The following TMEM68 variants were observed in gnomAD, a reference collection of about 807,000 sequenced individuals.
TMEM68 encodes transmembrane protein 68.
A neutral mutation model predicts 36.9 loss-of-function variants in TMEM68; 25 were observed. The observed-to-expected ratio is 0.68, with a 90% confidence interval of 0.49 to 0.95. The LOEUF is 0.95. Ranked by LOEUF, TMEM68 falls within the 40% of genes least tolerant of loss-of-function variation. The pLI, the probability that TMEM68 is intolerant of heterozygous loss-of-function variation, is 0.00. For missense variants in TMEM68, 333 were observed against 392.0 expected, an observed-to-expected ratio of 0.85 and a Z score of 1.27; for synonymous variants, 131 against 124.4, an observed-to-expected ratio of 1.05 and a Z score of -0.35.
intron 3 of TMEM68, 52 bp from the exon 4 acceptor site, chr8:55,756,463 A>T: frequency 6.8e-7 from 1 of 1,480,878 alleles, no homozygotes; most frequent in Non-Finnish European, 9.0e-7. Flanking sequence ...TAATTCGTTT[A>T]CAGTAAAGGA....
chr8:55,751,707 AAAGT>A (rs1427881666), intron 4 of TMEM68, among the ~76,000 whole-genome samples: 1 of 152,248 alleles, frequency 6.6e-6, no homozygotes. Flanking sequence ...AGATTTTAAT[AAAGT>A]GAGAGTGCTT....
intron 5 of TMEM68, among the ~76,000 whole-genome samples, chr8:55,749,563 G>A (rs1177227369): frequency 6.6e-6 from 1 of 152,162 alleles, no homozygotes; most frequent in Non-Finnish European, 1.5e-5. Context: ...AATGTAGTCA[G>A]GAATGGCAAC....
Position 55,743,604 on chromosome 8 carries a change from A to C in TMEM68, c.765T>G (p.Leu255=). 1 of 1,535,138 alleles carries C rather than the reference A, an allele frequency of 6.5e-7. No homozygotes were observed. Among genetic ancestry groups the C allele is most frequent in the East Asian group, 2.4e-5 (1 of 40,892 alleles). ...CAAATGGATAGCGGAATTTTTCATA[A>C]AGCCACCTAAATAACCCTGTTTTAG... is the stretch of plus-strand genomic sequence containing the variant. ...SLGGTRLFRW[L]YEKFRYPFAP... The change falls in exon 7 of 8, where the codon CTT becomes CTG. Residue 255 remains leucine (L), a synonymous_variant. Coordinates refer to ENST00000434581, the MANE Select transcript of TMEM68 (RefSeq NM_001286657.2).
intron 1 of TMEM68, among the ~76,000 whole-genome samples, chr8:55,769,830 G>A (rs1811097022): frequency 1.3e-5 from 2 of 152,066 alleles, no homozygotes; most frequent in Admixed American, 6.6e-5. Context: ...ATGGGGTTTT[G>A]CCATGTTGGC....
At chr8:55,769,715 C>CT (rs906263793) in intron 1 of TMEM68, among the ~76,000 whole-genome samples, 28 of 152,112 alleles carry the variant, frequency 1.8e-4, no homozygotes, top group Admixed American at 1.5e-3. Context: ...TCACTGCAAC[C>CT]TCCACCTCCC....
intron 3 of TMEM68, among the ~76,000 whole-genome samples, chr8:55,758,156 C>A (rs1810663531): frequency 6.6e-6 from 1 of 152,054 alleles, no homozygotes; most frequent in Non-Finnish European, 1.5e-5. Flanking sequence ...ACCAAAAAAT[C>A]CCTCTACTTC....
At position 55,757,758 on chromosome 8, in the gene TMEM68, C is replaced by T. The variant is rs1810651324; in HGVS notation, c.326-1347G>A. 2.0e-5 allele frequency among the ~76,000 whole-genome samples: 3 copies of T among 152,040 alleles called. No individual in the cohort carries two copies. In the South Asian group the frequency reaches 6.2e-4, roughly 32 times the overall value. The stretch of plus-strand genomic sequence containing the variant: ...AAGCAAAATATCTACCACTGGGCAG[C>T]GGGGGTGGGTGGCAGGAAAGTCTAA... On this transcript the variant is annotated intron_variant, in intron 3 of 7. Coordinates refer to ENST00000434581, the MANE Select transcript of TMEM68 (RefSeq NM_001286657.2).
At chr8:55,750,853 A>T in intron 5 of TMEM68, 111 bp downstream of exon 5, 1 of 1,056,898 alleles carries the variant, frequency 9.5e-7, no homozygotes, top group Non-Finnish European at 1.4e-6. Flanking sequence ...ACTAATTTTT[A>T]AGGTATTGCA....
At chr8:55,756,161 A>G (rs1810600869) in intron 4 of TMEM68, 83 bp downstream of exon 4, 3 of 1,234,162 alleles carry the variant, frequency 2.4e-6, no homozygotes, top group Admixed American at 5.9e-5. Flanking sequence ...AAATGACGTT[A>G]GAGAGCTCAG....
In TMEM68 at chr8:55,756,301, T is replaced by C; in HGVS notation, c.436A>G (p.Ile146Val). The change falls in exon 4 of 8, where the codon ATA becomes GTA. Residue 146 changes from isoleucine (I) to valine (V), a missense_variant. Transcript: ENST00000434581. Reference sequence around the variant, plus strand: ...ACTCGGCAAGTTCTGCCTTTGTGTATAAATATTTTAGCCATGAAATAGTAA... The same window carrying C: ...ACTCGGCAAGTTCTGCCTTTGTGTACAAATATTTTAGCCATGAAATAGTAA... ...DFYYFMAKIF[I>V]HKGRTCRVVA... 6.2e-7 allele frequency: 1 copy of C among 1,607,784 alleles called. No individual in the cohort carries two copies. The highest frequency in any genetic ancestry group is 8.5e-7 in the Non-Finnish European group (1 of 1,178,438).
rs1051977883 is a variant in TMEM68 at position 55,740,062 on chromosome 8, G to A, written c.*70C>T. The A allele has an allele frequency of 4.8e-6, 6 of 1,257,606 alleles. No homozygotes were observed. The highest frequency in any genetic ancestry group is 4.4e-5 in the Admixed American group (2 of 45,054). 77.9% of individuals were successfully genotyped at this position (1,257,606 alleles called of 1,614,324 possible). A position where few individuals can be genotyped will look rare whatever the true frequency, so the allele number is the denominator to read the frequency against. ...CTAATTATAGGACCTACAAAATTCA[G>A]AAGACAGTACCTTAGATACAAACAT... is the stretch of plus-strand genomic sequence containing the variant. On this transcript the variant is annotated 3_prime_UTR_variant, in exon 8 of 8. Transcript: ENST00000434581.
chr8:55,743,414 G>A, intron 7 of TMEM68, 67 bp downstream of exon 7: 4 of 1,468,580 alleles, frequency 2.7e-6, no homozygotes, highest in Non-Finnish European at 3.6e-6. Flanking sequence ...ATAAATCAAT[G>A]AGATTCAAAA....
chr8:55,743,674 A>C, intron 6 of TMEM68, 54 bp from the exon 7 acceptor site: 1 of 1,458,636 alleles, frequency 6.9e-7, no homozygotes, highest in Non-Finnish European at 9.1e-7. Context: ...TGACCATGTA[A>C]CTGTAAACTT....
intron 4 of TMEM68, among the ~76,000 whole-genome samples, chr8:55,754,596 T>C (rs894863913): frequency 1.5e-5 from 2 of 135,404 alleles, no homozygotes; most frequent in Non-Finnish European, 3.1e-5. Flanking sequence ...ACATATATTA[T>C]GTAATATATA....
chr8:55,740,314 G>C, intron 7 of TMEM68, 96 bp from the exon 8 acceptor site: 5 of 854,018 alleles, frequency 5.9e-6, no homozygotes, highest in Non-Finnish European at 9.2e-6. Context: ...TTCCTTCTCA[G>C]TACACCTGAA....
At position 55,762,765 on chromosome 8, in the gene TMEM68, G is replaced by A; in HGVS notation, c.195C>T (p.Tyr65=). The A allele has an allele frequency of 6.2e-7, 1 of 1,613,690 alleles. No homozygotes were observed. The highest frequency in any genetic ancestry group is 1.1e-5 in the South Asian group (1 of 91,042). ...AAATGTGTAAGAAAATAATAGTAAG[G>A]TAGAGAAGAAAGATAGTAAAGTAAG... ...ILPYFTIFLL[Y]LTIIFLHIYK... is the part of the protein sequence containing the mutation. Residue 65 remains tyrosine (Y), a synonymous_variant, in exon 3 of 8, where the codon TAC becomes TAT. Coordinates refer to ENST00000434581, the MANE Select transcript of TMEM68 (RefSeq NM_001286657.2).
chr8:55,764,312 GC>G (rs1277574921), intron 1 of TMEM68, among the ~76,000 whole-genome samples: 1 of 152,154 alleles, frequency 6.6e-6, no homozygotes, highest in Non-Finnish European at 1.5e-5. Context: ...TAGTAACTTT[GC>G]CAGATAACCT....
rs1450855021 is a variant in TMEM68 at position 55,756,281 on chromosome 8, G to A, written c.456C>T (p.Cys152=). The A allele has an allele frequency of 1.9e-6, 3 of 1,603,808 alleles. No individual in the cohort carries two copies. Among genetic ancestry groups the A allele is most frequent in the Non-Finnish European group, 2.5e-6 (3 of 1,177,286 alleles). ...AGACAAAGTGATCAGCTACTACTCG[G>A]CAAGTTCTGCCTTTGTGTATAAATA... is the stretch of plus-strand genomic sequence containing the variant. The part of the protein sequence containing the change: ...AKIFIHKGRT[C]RVVADHFVFK... The change falls in exon 4 of 8, where the codon TGC becomes TGT. Residue 152 remains cysteine, a synonymous_variant. Transcript: ENST00000434581.
chr8:55,740,046 G>A lies in TMEM68; in HGVS notation c.*86C>T. 2 of 995,342 alleles carry A rather than the reference G, an allele frequency of 2.0e-6. No homozygotes were observed. The highest frequency in any genetic ancestry group is 3.0e-6 in the Non-Finnish European group (2 of 673,136). 61.7% of individuals were successfully genotyped at this position (995,342 alleles called of 1,614,324 possible). On this transcript the variant is annotated 3_prime_UTR_variant, in exon 8 of 8. Coordinates refer to ENST00000434581, the MANE Select transcript of TMEM68 (RefSeq NM_001286657.2). ...ATTTTTTTAAAAAATACTAATTATA[G>A]GACCTACAAAATTCAGAAGACAGTA...
Sources: allele counts gnomAD v4.1 joint callset (sites outside exome capture counted in the v4.1 genomes callset), GRCh38; gene constraint gnomAD v4.1.1; transcripts MANE v1.5; gene names NCBI Gene and HGNC (gene_info 2026-07-23, HGNC 2026-07-21).